MPDZ: variants seen among roughly 807,000 people sequenced by gnomAD.
MPDZ encodes multiple PDZ domain crumbs cell polarity complex component.
In MPDZ, 234 loss-of-function variants were observed where a neutral mutation model predicts 239.1. That is an observed-to-expected ratio of 0.98 (90% confidence interval 0.88 to 1.09). The LOEUF is 1.09. MPDZ is among the 50% of genes least tolerant of loss of function. The pLI is 0.00. For missense variants in MPDZ, 3,175 were observed against 2,510.0 expected, an observed-to-expected ratio of 1.26 and a Z score of -5.66; for synonymous variants, 1,048 against 881.3, an observed-to-expected ratio of 1.19 and a Z score of -3.35.
intron 2 of MPDZ, among the ~76,000 whole-genome samples, chr9:13,249,868 C>G (rs1967456527): frequency 6.6e-6 from 1 of 152,130 alleles, no homozygotes; most frequent in Non-Finnish European, 1.5e-5. Flanking sequence ...TAAGACTAAG[C>G]AACATTTTTC....
chr9:13,228,791 A>C (rs1404223916), intron 3 of MPDZ, among the ~76,000 whole-genome samples: 1 of 152,190 alleles, frequency 6.6e-6, no homozygotes, highest in Non-Finnish European at 1.5e-5. Flanking sequence ...ATAGTTTATC[A>C]AAATATTTTC....
In MPDZ at chr9:13,252,606, C is replaced by T. The variant is rs796974932; in HGVS notation, c.-57-2234G>A. 6.0e-5 allele frequency among the ~76,000 whole-genome samples: 9 copies of T among 149,864 alleles called. 1 individual carries two copies. The highest frequency in any genetic ancestry group is 1.5e-4 in the African/African-American group (6 of 40,848). On this transcript the variant is annotated intron_variant, in intron 1 of 46. Coordinates refer to ENST00000319217, the MANE Select transcript of MPDZ (RefSeq NM_001378778.1). ...AAAAATCGGGCTGGGCATGGTGGCT[C>T]ATGCCTGTAATCCCAGCAAATAACT...
At chr9:13,139,801 C>G in intron 28 of MPDZ, 186 bp downstream of exon 28, 1 of 678,250 alleles carries the variant, frequency 1.5e-6, no homozygotes, top group South Asian at 1.6e-5. Flanking sequence ...AAAGGAAGAG[C>G]ATGATTTCAT....
intron 3 of MPDZ, among the ~76,000 whole-genome samples, chr9:13,230,115 T>C (rs1048759775): frequency 4.6e-5 from 7 of 151,948 alleles, no homozygotes; most frequent in African/African-American, 1.7e-4. Flanking sequence ...ATTAAAGAAA[T>C]GCAAACTAAA....
chr9:13,146,140 T>C (rs1295932752), intron 26 of MPDZ, among the ~76,000 whole-genome samples: 1 of 152,010 alleles, frequency 6.6e-6, no homozygotes, highest in African/African-American at 2.4e-5. Context: ...TGGATAATTA[T>C]TACCTAACAA....
intron 1 of MPDZ, among the ~76,000 whole-genome samples, chr9:13,259,553 A>G (rs1320038653): frequency 3.3e-5 from 5 of 152,160 alleles, no homozygotes; most frequent in Non-Finnish European, 5.9e-5. Context: ...AAGAACACAA[A>G]GGAGGGTCAC....
intron 1 of MPDZ, chr9:13,276,470 G>C (rs1974231307): frequency 6.6e-6 from 1 of 152,170 alleles, no homozygotes; most frequent in South Asian, 2.1e-4. Flanking sequence ...ATATGGGGTT[G>C]ATAATGTACG....
chr9:13,133,946 T>C (rs1277143029), intron 31 of MPDZ, 42 bp from the exon 32 acceptor site: 4 of 1,184,204 alleles, frequency 3.4e-6, no homozygotes, highest in East Asian at 2.7e-5. Flanking sequence ...AACTGAGTGT[T>C]AGGAAATTTG....
intron 12 of MPDZ, among the ~76,000 whole-genome samples, chr9:13,199,613 G>T (rs946593098): frequency 6.6e-6 from 1 of 152,038 alleles, no homozygotes; most frequent in Middle Eastern, 3.4e-3. Context: ...ACTTTTCTCT[G>T]TTCGGTATAT....
At chr9:13,186,474 G>T in intron 17 of MPDZ, 88 bp from the exon 18 acceptor site, 1 of 889,998 alleles carries the variant, frequency 1.1e-6, no homozygotes, top group Non-Finnish European at 1.8e-6. Context: ...TAGGAAAAGT[G>T]AGGGGGGCGA....
At chr9:13,202,116 T>C (rs1956453562) in intron 12 of MPDZ, among the ~76,000 whole-genome samples, 1 of 152,184 alleles carries the variant, frequency 6.6e-6, no homozygotes, top group African/African-American at 2.4e-5. Flanking sequence ...GTGTTAGAGA[T>C]TTACTACTTA....
At chr9:13,134,099 T>G in intron 31 of MPDZ, 195 bp from the exon 32 acceptor site, 1 of 235,738 alleles carries the variant, frequency 4.2e-6, no homozygotes. Flanking sequence ...TAACATTCTA[T>G]GGAATTTATG....
intron 22 of MPDZ, among the ~76,000 whole-genome samples, chr9:13,165,061 T>G (rs1950908724): frequency 6.6e-6 from 1 of 152,170 alleles, no homozygotes; most frequent in South Asian, 2.1e-4. Context: ...TGGCTATTAA[T>G]GCAGAGACTA....
At chr9:13,233,568 G>A (rs956861177) in intron 3 of MPDZ, among the ~76,000 whole-genome samples, 4 of 151,962 alleles carry the variant, frequency 2.6e-5, no homozygotes, top group African/African-American at 7.2e-5. Context: ...TCTTGATTTC[G>A]GTGAGGGTTA....
At chr9:13,214,604 A>T (rs555579122) in intron 10 of MPDZ, among the ~76,000 whole-genome samples, 53 of 152,156 alleles carry the variant, frequency 3.5e-4, no homozygotes, top group Non-Finnish European at 5.9e-4. Flanking sequence ...TTATTTTTTT[A>T]AAAGTTTTCT....
chr9:13,278,744 C>A (rs1974835781), intron 1 of MPDZ, among the ~76,000 whole-genome samples: 1 of 152,076 alleles, frequency 6.6e-6, no homozygotes, highest in Admixed American at 6.5e-5. Flanking sequence ...GGGTGAGGGA[C>A]GGGGCACCGG....
chr9:13,204,115 T>G (rs1238805529), intron 12 of MPDZ, among the ~76,000 whole-genome samples: 1 of 152,042 alleles, frequency 6.6e-6, no homozygotes, highest in Non-Finnish European at 1.5e-5. Flanking sequence ...AACAGATATG[T>G]TAAAAAACAA....
chr9:13,138,503 C>T (rs977841727), intron 28 of MPDZ, among the ~76,000 whole-genome samples: 1 of 152,192 alleles, frequency 6.6e-6, no homozygotes, highest in Admixed American at 6.5e-5. Context: ...AGAACTAAGG[C>T]ATCCAGAATA....
intron 24 of MPDZ, among the ~76,000 whole-genome samples, chr9:13,150,972 A>G (rs1407591314): frequency 1.3e-5 from 2 of 152,060 alleles, no homozygotes; most frequent in Non-Finnish European, 2.9e-5. Context: ...AAACTCAACA[A>G]CAACAAAAAA....
Sources: gnomAD v4.1 joint callset for allele counts (sites outside exome capture counted in the v4.1 genomes callset) on GRCh38, gnomAD v4.1.1 for gene constraint, MANE v1.5 for transcripts, NCBI Gene and HGNC (gene_info 2026-07-23, HGNC 2026-07-21) for gene names.